The following CSMD1 variants were observed in gnomAD, a reference collection of about 807,000 sequenced individuals.
The protein encoded by CSMD1 is CUB and Sushi multiple domains 1, also known as CUB and sushi domain-containing protein 1.
A neutral mutation model predicts 417.5 loss-of-function variants in CSMD1; 213 were observed. That is an observed-to-expected ratio of 0.51 (90% CI 0.46 to 0.57). CSMD1 has a LOEUF of 0.57. Ranked by LOEUF, CSMD1 falls within the 20% of genes least tolerant of loss-of-function variation. The pLI is 0.00. For synonymous variants in CSMD1, 2,862 were observed against 1,736.8 expected (o/e 1.65, Z -16.11); for missense variants, 6,923 against 4,529.7 (o/e 1.53, Z -15.17).
At chr8:3,376,790 ATTATTT>A (rs1006106946) in intron 18 of CSMD1, among the ~76,000 whole-genome samples, 1 of 142,206 alleles carries the variant, frequency 7.0e-6, no homozygotes, top group Admixed American at 7.0e-5. Flanking sequence ...CAATATTATA[ATTATTT>A]TTTTTTCTTT....
At chr8:3,008,367 G>C (rs1379844229) in intron 52 of CSMD1, among the ~76,000 whole-genome samples, 1 of 152,146 alleles carries the variant, frequency 6.6e-6, no homozygotes, top group Non-Finnish European at 1.5e-5. Flanking sequence ...CGCACAGTGT[G>C]GCCCACCCTT....
chr8:3,219,499 G>C (rs1161007618), intron 28 of CSMD1, 57 bp from the exon 29 acceptor site: 15 of 1,240,770 alleles, frequency 1.2e-5, no homozygotes, highest in Non-Finnish European at 1.6e-5. Flanking sequence ...ATCTCCCAGA[G>C]TGGTAAGCCT....
At chr8:3,872,740 C>T (rs924054777) in intron 5 of CSMD1, among the ~76,000 whole-genome samples, 2 of 151,430 alleles carry the variant, frequency 1.3e-5, no homozygotes, top group Non-Finnish European at 1.5e-5. Context: ...AACAGATAAC[C>T]TTCAAAACCG....
chr8:3,462,420 C>T (rs1816563076), intron 12 of CSMD1, among the ~76,000 whole-genome samples: 1 of 152,192 alleles, frequency 6.6e-6, no homozygotes, highest in Non-Finnish European at 1.5e-5. Context: ...CGGAGCATTA[C>T]CACCTGAGCT....
chr8:4,819,692 C>G (rs1563489345), intron 1 of CSMD1, among the ~76,000 whole-genome samples: 1 of 152,064 alleles, frequency 6.6e-6, no homozygotes, highest in East Asian at 1.9e-4. Flanking sequence ...AATTCTGTCC[C>G]AGTGTTTCTA....
intron 1 of CSMD1, among the ~76,000 whole-genome samples, chr8:4,883,097 A>G (rs1803514790): frequency 1.3e-5 from 2 of 152,112 alleles, no homozygotes; most frequent in Admixed American, 6.5e-5. Context: ...GGAGTCCTCT[A>G]CAAGATTTTA....
chr8:3,493,909 G>T (rs572546564), intron 10 of CSMD1, among the ~76,000 whole-genome samples, 183 bp from the exon 11 acceptor site: 1 of 152,140 alleles, frequency 6.6e-6, no homozygotes, highest in Admixed American at 6.5e-5. Context: ...TGGCATTATA[G>T]AATTTTATGA....
chr8:4,649,977 C>G (rs899420096), intron 1 of CSMD1, among the ~76,000 whole-genome samples: 1 of 152,156 alleles, frequency 6.6e-6, no homozygotes, highest in Non-Finnish European at 1.5e-5. Context: ...GACACAGCTG[C>G]CTTGAACATA....
chr8:3,311,003 C>G (rs187242402), intron 23 of CSMD1, among the ~76,000 whole-genome samples: 24 of 152,294 alleles, frequency 1.6e-4, no homozygotes, highest in Admixed American at 6.5e-4. Context: ...AAGATGCCTA[C>G]ACAGGCTGCT....
In CSMD1 at chr8:3,360,497, T is replaced by C. The variant is rs556526810; in HGVS notation, c.3116-1157A>G. Among the ~76,000 whole-genome samples, 335 of 152,346 alleles carry C rather than the reference T, an allele frequency of 2.2e-3. 1 individual carries two copies. Among genetic ancestry groups the C allele is most frequent in the Non-Finnish European group, 3.7e-3 (252 of 68,036 alleles). ...TTGTTTGGTTTCCTCCTTCTTGCTG[T>C]TTCCCCAGTCTGTAATGCCCAGTTT... On this transcript the variant is annotated intron_variant, in intron 20 of 69. Coordinates refer to ENST00000635120, the MANE Select transcript of CSMD1 (RefSeq NM_033225.6).
rs577358290 is a variant in CSMD1, at chr8:4,323,066, G to A, written c.415+96887C>T. Among the ~76,000 whole-genome samples, 256 of 151,216 alleles carry A rather than the reference G, an allele frequency of 1.7e-3. 2 individuals carry two copies. The Middle Eastern group carries it at 0.017, about 10-fold the overall frequency. On this transcript the variant is annotated intron_variant, in intron 3 of 69. Coordinates refer to ENST00000635120, the MANE Select transcript of CSMD1 (RefSeq NM_033225.6). The stretch of plus-strand genomic sequence containing the variant: ...AAAGATTTTGACCAGCCTACAAATA[G>A]AGAGTTAAGCAGCGAAGGAATGGAA...
chr8:4,177,045 T>A (rs186418859), intron 3 of CSMD1, among the ~76,000 whole-genome samples: 272 of 152,142 alleles, frequency 1.8e-3, no homozygotes, highest in Admixed American at 4.2e-3. Flanking sequence ...AACAAGGATA[T>A]CCAGGAATTG....
intron 5 of CSMD1, among the ~76,000 whole-genome samples, chr8:3,853,394 G>C (rs915667318): frequency 3.9e-5 from 6 of 152,094 alleles, no homozygotes; most frequent in African/African-American, 1.4e-4. Context: ...CATTGGTATA[G>C]CACGCTCTAT....
At chr8:3,330,413 C>A (rs1806815849) in intron 23 of CSMD1, among the ~76,000 whole-genome samples, 1 of 152,108 alleles carries the variant, frequency 6.6e-6, no homozygotes, top group South Asian at 2.1e-4. Context: ...TACTACACAG[C>A]CATAAAAAGG....
intron 3 of CSMD1, among the ~76,000 whole-genome samples, chr8:4,299,234 T>A (rs1452762361): frequency 6.6e-6 from 1 of 152,168 alleles, no homozygotes; most frequent in Non-Finnish European, 1.5e-5. Flanking sequence ...CAGAATAAAA[T>A]AAGACACTGT....
chr8:4,068,079 C>G (rs1173402023), intron 3 of CSMD1, among the ~76,000 whole-genome samples: 1 of 149,704 alleles, frequency 6.7e-6, no homozygotes, highest in South Asian at 2.1e-4. Context: ...GACAACGTCT[C>G]AAAAAAGAAA....
intron 10 of CSMD1, among the ~76,000 whole-genome samples, chr8:3,545,642 A>C (rs10111637): frequency 6.6e-6 from 1 of 152,208 alleles, no homozygotes; most frequent in Non-Finnish European, 1.5e-5. Context: ...CAGGTGCATC[A>C]TCAGCGGTGG....
At chr8:3,495,812 C>G (rs1286868835) in intron 10 of CSMD1, among the ~76,000 whole-genome samples, 3 of 152,174 alleles carry the variant, frequency 2.0e-5, no homozygotes, top group African/African-American at 7.2e-5. Flanking sequence ...GGTTTTAGTT[C>G]CTACAGCATA....
intron 46 of CSMD1, among the ~76,000 whole-genome samples, chr8:3,102,001 C>T (rs182080687): frequency 6.6e-6 from 1 of 151,932 alleles, no homozygotes; most frequent in Admixed American, 6.6e-5. Flanking sequence ...AGCGTTTCAC[C>T]ATGTTGGCCA....
Sources: gnomAD v4.1 joint callset for allele counts (sites outside exome capture counted in the v4.1 genomes callset) on GRCh38, gnomAD v4.1.1 for gene constraint, MANE v1.5 for transcripts, NCBI Gene and HGNC (gene_info 2026-07-23, HGNC 2026-07-21) for gene names.